Variants in GALNT2 observed in about 807,000 individuals in gnomAD.
The protein encoded by GALNT2 is UDP-GalNAc:polypeptide N-acetylgalactosaminyltransferase 2.
A neutral mutation model predicts 81.4 loss-of-function variants in GALNT2; 31 were observed. That is an observed-to-expected ratio of 0.38 (90% CI 0.29 to 0.51). GALNT2 has a LOEUF of 0.51. GALNT2 is among the 20% of genes least tolerant of loss of function. The pLI, the probability that GALNT2 is intolerant of heterozygous loss-of-function variation, is 0.87. For synonymous variants in GALNT2, 303 were observed against 287.4 expected, an observed-to-expected ratio of 1.05 and a Z score of -0.55; for missense variants, 629 against 765.7, an observed-to-expected ratio of 0.82 and a Z score of 2.11.
intron 2 of GALNT2, among the ~76,000 whole-genome samples, chr1:230,185,306 G>GCGCGCA (rs1558129504): frequency 5.2e-5 from 4 of 77,208 alleles, no homozygotes; most frequent in Non-Finnish European, 7.9e-5. Flanking sequence ...GTGTGTGCGC[G>GCGCGCA]CGTGTGTGTG....
chr1:230,219,014 C>T (rs936983333), intron 3 of GALNT2, among the ~76,000 whole-genome samples: 3 of 152,172 alleles, frequency 2.0e-5, no homozygotes, highest in African/African-American at 7.2e-5. Context: ...GAATCTAATG[C>T]CTGATGATCT....
At chr1:230,093,808 G>T (rs527435697) in intron 1 of GALNT2, among the ~76,000 whole-genome samples, 63 of 152,278 alleles carry the variant, frequency 4.1e-4, no homozygotes, top group African/African-American at 1.5e-3. Context: ...CAGGTTTGCA[G>T]CCTAGGTGTG....
chr1:230,066,594 G>A (rs1306255992), upstream of GALNT2, among the ~76,000 whole-genome samples: 1 of 152,214 alleles, frequency 6.6e-6, no homozygotes, highest in African/African-American at 2.4e-5. Context: ...CAAGATTAGT[G>A]AGAAAACTGC....
chr1:230,203,604 A>G (rs1039322596), intron 3 of GALNT2, among the ~76,000 whole-genome samples: 4 of 152,248 alleles, frequency 2.6e-5, no homozygotes, highest in African/African-American at 9.6e-5. Context: ...TGTTATTTTT[A>G]TGATCCATTC....
chr1:230,279,928 A>T lies in GALNT2; in HGVS notation c.*470A>T, dbSNP rs1378048997. ...GGTTTCCACAAAGCCGAGTCGTGTCACGTGGCAGGTTTACGTCAATAGTCC... is the reference window on the plus strand; with the variant it reads ...GGTTTCCACAAAGCCGAGTCGTGTCTCGTGGCAGGTTTACGTCAATAGTCC... On this transcript the variant is annotated 3_prime_UTR_variant, in exon 16 of 16. Coordinates refer to ENST00000366672, the MANE Select transcript of GALNT2 (RefSeq NM_004481.5). This position sits in a 1 kb window ranked among gnomAD's most constrained non-coding sequence, Gnocchi z 4.6. 1.1e-5 allele frequency: 5 copies of T among 456,620 alleles called. No individual in the cohort carries two copies. The highest frequency in any genetic ancestry group is 2.2e-5 in the Non-Finnish European group (5 of 227,312). The allele number at this position is 456,620 out of a possible 1,614,324, so 28.3% of individuals were successfully genotyped here. A position where few individuals can be genotyped will look rare whatever the true frequency, so the allele number is the denominator to read the frequency against.
At chr1:230,110,918 C>T (rs1660684256) in intron 1 of GALNT2, among the ~76,000 whole-genome samples, 1 of 152,082 alleles carries the variant, frequency 6.6e-6, no homozygotes, top group Non-Finnish European at 1.5e-5. Context: ...GTATGCTCTT[C>T]TCTTTAAGTA....
At chr1:230,163,425 T>G (rs778365960) in intron 1 of GALNT2, among the ~76,000 whole-genome samples, 1 of 152,240 alleles carries the variant, frequency 6.6e-6, no homozygotes, top group South Asian at 2.1e-4. Context: ...TCTCTCATGC[T>G]TTAGCGTTTC....
Position 230,239,421 on chromosome 1 carries a change from G to A in GALNT2, c.607+2696G>A, listed in dbSNP as rs568009276. On this transcript the variant is annotated intron_variant, in intron 6 of 15. Coordinates refer to ENST00000366672, the MANE Select transcript of GALNT2 (RefSeq NM_004481.5). ...TCCAAGTCCCAAAACCTCAAAAGTGGGGAAGCTGACAGTTCAGCCTTCAGT... is the reference window on the plus strand; with the variant it reads ...TCCAAGTCCCAAAACCTCAAAAGTGAGGAAGCTGACAGTTCAGCCTTCAGT... Among the ~76,000 whole-genome samples, 5 of 152,266 alleles carry A rather than the reference G, an allele frequency of 3.3e-5. No homozygotes were observed. The South Asian group carries it at 1.0e-3, about 32-fold the overall frequency.
intron 7 of GALNT2, among the ~76,000 whole-genome samples, chr1:230,244,709 G>A (rs1243983917): frequency 3.9e-5 from 6 of 152,186 alleles, no homozygotes; most frequent in Admixed American, 3.9e-4. Context: ...AAAATGTAAA[G>A]TAGATTATAT....
chr1:230,188,086 T>G (rs1437141986), intron 2 of GALNT2, among the ~76,000 whole-genome samples: 4 of 152,166 alleles, frequency 2.6e-5, no homozygotes, highest in Admixed American at 2.0e-4. Flanking sequence ...ACCCAGTATT[T>G]CCCTGCCTCC....
chr1:230,132,275 A>T (rs936531096), intron 1 of GALNT2, among the ~76,000 whole-genome samples: 1 of 152,128 alleles, frequency 6.6e-6, no homozygotes, highest in African/African-American at 2.4e-5. Context: ...CCCGAAATAG[A>T]TAGGGGTAGG....
intron 1 of GALNT2, among the ~76,000 whole-genome samples, chr1:230,135,771 G>A (rs1388683043): frequency 1.3e-5 from 2 of 152,060 alleles, no homozygotes; most frequent in African/African-American, 2.4e-5. Context: ...TGGCAGCCTC[G>A]ACCTCCTGGG....
At chr1:230,173,876 ACAAT>A (rs1645979703) in intron 1 of GALNT2, among the ~76,000 whole-genome samples, 5 of 152,250 alleles carry the variant, frequency 3.3e-5, no homozygotes, top group Admixed American at 3.3e-4. Context: ...CGAAGCCAGT[ACAAT>A]CAATCTGAGT....
In GALNT2 at chr1:230,279,699, G is replaced by A. The variant is rs915587963; in HGVS notation, c.*241G>A. On this transcript the variant is annotated 3_prime_UTR_variant, in exon 16 of 16. Transcript: ENST00000366672. The surrounding 1 kb of genome is among the most constrained non-coding windows in gnomAD (Gnocchi z 4.6). ...CCAGCCGGGCCCCCTTCCCCAGGCC[G>A]GAGCGCCCCTCTTCCTTCCAGCTTT... The A allele has an allele frequency of 3.5e-5, 20 of 566,952 alleles. No homozygotes were observed. Among genetic ancestry groups the A allele is most frequent in the Admixed American group, 7.9e-5 (3 of 38,136 alleles). The allele number at this position is 566,952 out of a possible 1,614,324, so 35.1% of individuals were successfully genotyped here.
upstream of GALNT2, among the ~76,000 whole-genome samples, chr1:230,065,352 C>A (rs1462298471): frequency 6.6e-6 from 1 of 152,118 alleles, no homozygotes; most frequent in Non-Finnish European, 1.5e-5. Flanking sequence ...CTTGAATTTG[C>A]TCAACCCTTG....
intron 2 of GALNT2, among the ~76,000 whole-genome samples, chr1:230,198,859 A>G (rs1663795308): frequency 6.6e-6 from 1 of 152,144 alleles, no homozygotes; most frequent in South Asian, 2.1e-4. Flanking sequence ...TTAATAAGCA[A>G]ACTTTTCGCA....
Position 230,279,155 on chromosome 1 carries a change from A to C in GALNT2, c.1561-148A>C. 1 of 769,890 alleles carries C rather than the reference A, an allele frequency of 1.3e-6. No homozygotes were observed. The highest frequency in any genetic ancestry group is 2.0e-6 in the Non-Finnish European group (1 of 500,488). The allele number at this position is 769,890 out of a possible 1,614,324, so 47.7% of individuals were successfully genotyped here. A position where few individuals can be genotyped will look rare whatever the true frequency, so the allele number is the denominator to read the frequency against. On this transcript the variant is annotated intron_variant, in intron 15 of 15. Coordinates refer to ENST00000366672, the MANE Select transcript of GALNT2 (RefSeq NM_004481.5). The surrounding 1 kb of genome is among the most constrained non-coding windows in gnomAD (Gnocchi z 4.6). ...GGCTGGTTTCCTGTGGGGCTGCTGC[A>C]AGCTCCTCGGCCGTTCAGATGAGAG...
intron 1 of GALNT2, among the ~76,000 whole-genome samples, chr1:230,170,492 T>C (rs1229666309): frequency 6.6e-6 from 1 of 152,242 alleles, no homozygotes; most frequent in Non-Finnish European, 1.5e-5. Flanking sequence ...ATACCAGTGT[T>C]TTACACAGTA....
intron 1 of GALNT2, among the ~76,000 whole-genome samples, chr1:230,170,327 C>G (rs922521359): frequency 1.3e-5 from 2 of 152,172 alleles, no homozygotes; most frequent in Admixed American, 1.3e-4. Flanking sequence ...CTGAATGAAG[C>G]CTGTCTCTGG....
Sources: allele counts gnomAD v4.1 joint callset (sites outside exome capture counted in the v4.1 genomes callset), GRCh38; gene constraint gnomAD v4.1.1; non-coding constraint Gnocchi (gnomAD v3.1); transcripts MANE v1.5; gene names NCBI Gene and HGNC (gene_info 2026-07-23, HGNC 2026-07-21).